Variants in CCNG1 observed in about 807,000 individuals in gnomAD.
CCNG1 encodes the protein cyclin G1, also known as cyclin-G1.
In CCNG1, 13 loss-of-function variants were observed where a neutral mutation model predicts 30.0. The observed-to-expected ratio is 0.43, with a 90% CI of 0.28 to 0.69. The LOEUF is 0.69. CCNG1 is among the 30% of genes least tolerant of loss of function. CCNG1 has a pLI of 0.16. For synonymous variants in CCNG1, 110 were observed against 121.5 expected, an observed-to-expected ratio of 0.91 and a Z score of 0.62; for missense variants, 285 against 331.4, an observed-to-expected ratio of 0.86 and a Z score of 1.09.
chr5:163,454,742 A>G, the CCNG1 span, among the ~76,000 whole-genome samples: 11 of 152,328 alleles, frequency 7.2e-5, no homozygotes, highest in South Asian at 2.3e-3. Flanking sequence ...GTGAAGTACT[A>G]TGTCAGGCCT....
chr5:163,442,640 G>C (rs982725811), intron 6 of CCNG1, 72 bp downstream of exon 6: 1 of 1,179,820 alleles, frequency 8.5e-7, no homozygotes, highest in African/African-American at 1.5e-5. Context: ...CTAAAGAAGA[G>C]TAATTATCTT....
rs765313498 is a variant in CCNG1 at position 163,441,358 on chromosome 5, G to A, written c.518+27G>A. On this transcript the variant is annotated intron_variant, in intron 3 of 6. Coordinates refer to ENST00000340828, the MANE Select transcript of CCNG1 (RefSeq NM_004060.4). ...TAAGTGACCTTTGTTTTGAACAAGA[G>A]ACATTTGGAAATCAGAATGGTATTG... 5.6e-6 allele frequency: 9 copies of A among 1,600,528 alleles called. No homozygotes were observed. In the South Asian group the frequency reaches 1.0e-4, roughly 18 times the overall value.
rs1482292808 is a variant in CCNG1 at position 163,439,410 on chromosome 5, AGG to A, written c.156_157del (p.Asp53LeufsTer2). 1.1e-5 allele frequency: 17 copies of A among 1,614,098 alleles called. No individual in the cohort carries two copies. Among genetic ancestry groups the A allele is most frequent in the Non-Finnish European group, 1.4e-5 (17 of 1,180,026 alleles). On this transcript the variant is annotated frameshift_variant, in exon 2 of 7. Transcript: ENST00000340828. LOFTEE classifies it high-confidence loss of function. Reference sequence around the variant, plus strand: ...TGGCCTCAGAATGACTGCAAGACTAAGGGACTTTGAAGTAAAAGATCTTCTTA... The same window carrying A: ...TGGCCTCAGAATGACTGCAAGACTAAGACTTTGAAGTAAAAGATCTTCTTA... Reference protein sequence around the residue: ...DNGLRMTARLRDFEVKDLLSL... With the variant: ...DNGLRMTARLXDFEVKDLLSL...
chr5:163,445,464 G>GT (rs1354293888), downstream of CCNG1, among the ~76,000 whole-genome samples: 2 of 151,902 alleles, frequency 1.3e-5, no homozygotes, highest in African/African-American at 2.4e-5. Context: ...TTTACTTTTT[G>GT]TTTTTTCTGA....
the CCNG1 span, chr5:163,452,227 T>C: frequency 1.3e-5 from 2 of 152,164 alleles, no homozygotes; most frequent in African/African-American, 4.8e-5. Context: ...TGTAAAGACA[T>C]GCATTATATA....
chr5:163,441,548 T>C (rs1757817817), intron 3 of CCNG1: 1 of 534,854 alleles, frequency 1.9e-6, no homozygotes, highest in African/African-American at 1.9e-5. Flanking sequence ...ATTTTGACTT[T>C]ATAGAACCTA....
At chr5:163,454,130 G>A in the CCNG1 span, 2 of 646,928 alleles carry the variant, frequency 3.1e-6, no homozygotes, top group East Asian at 3.1e-5. Flanking sequence ...TGATAAAAAA[G>A]GATATATAAA....
intron 1 of CCNG1, 114 bp from the exon 2 acceptor site, chr5:163,439,143 C>T (rs1757665999): frequency 4.6e-6 from 4 of 875,208 alleles, no homozygotes; most frequent in Admixed American, 2.3e-5. Flanking sequence ...ATGCACTAGC[C>T]GCATTGGGGG....
At position 163,442,521 on chromosome 5, in the gene CCNG1, T is replaced by C; in HGVS notation, c.844T>C (p.Tyr282His). The C allele has an allele frequency of 6.2e-7, 1 of 1,613,176 alleles. No homozygotes were observed. The highest frequency in any genetic ancestry group is 8.5e-7 in the Non-Finnish European group (1 of 1,179,600). Residue 282 changes from tyrosine to histidine, a missense_variant, in exon 6 of 7, where the codon TAC (tyrosine) becomes CAC (histidine). Transcript: ENST00000340828. The stretch of plus-strand genomic sequence containing the variant: ...TGCACGGCAATTGAAGCATAGCTAC[T>C]ACAGAATAACTCACCTTCCAACAAT... ...RTARQLKHSY[Y>H]RITHLPTIPE...
chr5:163,441,045 A>C lies in CCNG1; in HGVS notation c.265-33A>C, dbSNP rs1042995822. 8 of 1,592,358 alleles carry C rather than the reference A, an allele frequency of 5.0e-6. No individual in the cohort carries two copies. In the African/African-American group the frequency reaches 1.1e-4, roughly 22 times the overall value. ...GTTTTAATTGAAATAAGGTAGAGTC[A>C]TGGGCTTACTGGTTTTGTTTTTGAT... On this transcript the variant is annotated intron_variant, in intron 2 of 6. Transcript: ENST00000340828.
intron 6 of CCNG1, 67 bp downstream of exon 6, chr5:163,442,635 G>T: frequency 8.1e-7 from 1 of 1,239,880 alleles, no homozygotes. Flanking sequence ...TTCAACTAAA[G>T]AAGAGTAATT....
In CCNG1 at chr5:163,442,378, A is replaced by G. The variant is rs1314855528; in HGVS notation, c.701A>G (p.Asn234Ser). Residue 234 changes from asparagine to serine, a missense_variant, in exon 6 of 7, where the codon AAT becomes AGT. Physicochemically the swap from Asn to Ser is conservative, Grantham distance 46 (BLOSUM62 1). Coordinates refer to ENST00000340828, the MANE Select transcript of CCNG1 (RefSeq NM_004060.4). ...IECLQKHSKI[N>S]GRDLTFWQEL... ...TTAAAATTTATGTATGTACAGATAA[A>G]TGGCAGAGATCTGACCTTCTGGCAA... The G allele has an allele frequency of 6.2e-6, 10 of 1,606,586 alleles. No individual in the cohort carries two copies. The highest frequency in any genetic ancestry group is 8.5e-6 in the Non-Finnish European group (10 of 1,177,080).
chr5:163,438,822 C>A (rs1359030452), intron 1 of CCNG1, among the ~76,000 whole-genome samples: 2 of 151,878 alleles, frequency 1.3e-5, no homozygotes, highest in Non-Finnish European at 2.9e-5. Flanking sequence ...GGCCAGGAGA[C>A]CGAGACCATC....
chr5:163,453,492 T>C, the CCNG1 span: 1 of 152,760 alleles, frequency 6.5e-6, no homozygotes, highest in East Asian at 1.9e-4. Context: ...TTAAAATACA[T>C]TTATGGACTT....
chr5:163,443,485 A>G (rs2069365), intron 6 of CCNG1, among the ~76,000 whole-genome samples, 189 bp from the exon 7 acceptor site: 1 of 152,168 alleles, frequency 6.6e-6, no homozygotes, highest in African/African-American at 2.4e-5. Flanking sequence ...TGCATATGTG[A>G]TATACATTCT....
intron 2 of CCNG1, 99 bp from the exon 3 acceptor site, chr5:163,440,979 A>T: frequency 7.8e-7 from 1 of 1,280,822 alleles, no homozygotes; most frequent in East Asian, 2.3e-5. Context: ...TCAAATATAC[A>T]TTTTCAAAAT....
chr5:163,439,188 CAA>C, intron 1 of CCNG1, 67 bp from the exon 2 acceptor site: 1 of 1,409,798 alleles, frequency 7.1e-7, no homozygotes, highest in Non-Finnish European at 9.8e-7. Context: ...TGGCCCAGTG[CAA>C]AGATGGCCAA....
At chr5:163,457,115 T>A in the CCNG1 span, 2 of 1,521,400 alleles carry the variant, frequency 1.3e-6, no homozygotes. Context: ...CACGCACAAA[T>A]AAATTAGAGT....
At chr5:163,451,275 T>A in the CCNG1 span, 1 of 152,204 alleles carries the variant, frequency 6.6e-6, no homozygotes, top group Non-Finnish European at 1.5e-5. Context: ...AAATGTATGT[T>A]GTTACAATAA....
Sources: gnomAD v4.1 joint callset for allele counts (sites outside exome capture counted in the v4.1 genomes callset) on GRCh38, gnomAD v4.1.1 for gene constraint, MANE v1.5 for transcripts, NCBI Gene and HGNC (gene_info 2026-07-23, HGNC 2026-07-21) for gene names.